FAM241A: variants seen among roughly 807,000 people sequenced by gnomAD.
FAM241A encodes family with sequence similarity 241 member A.
Under a neutral mutation model 12.2 loss-of-function variants are expected in FAM241A, and 7 were observed. The ratio of observed to expected loss-of-function variants is 0.58; its 90% CI spans 0.33 to 1.08. The LOEUF is 1.08. FAM241A is among the 50% of genes least tolerant of loss of function. The pLI is 0.04. For missense variants in FAM241A, 161 were observed against 169.7 expected, an observed-to-expected ratio of 0.95 and a Z score of 0.29; for synonymous variants, 74 against 68.2, an observed-to-expected ratio of 1.08 and a Z score of -0.42.
intron 1 of FAM241A, among the ~76,000 whole-genome samples, chr4:112,185,734 G>A (rs1724024824): frequency 6.6e-6 from 1 of 152,208 alleles, no homozygotes; most frequent in Admixed American, 6.5e-5. Flanking sequence ...AGTAATTGGA[G>A]CTGGCATCTC....
At chr4:112,154,989 G>T (rs1408193278) in intron 1 of FAM241A, among the ~76,000 whole-genome samples, 1 of 151,882 alleles carries the variant, frequency 6.6e-6, no homozygotes, top group African/African-American at 2.4e-5. Flanking sequence ...AGCCAAGATC[G>T]CAAACTGCAC....
intron 1 of FAM241A, among the ~76,000 whole-genome samples, chr4:112,164,456 G>A (rs1723551799): frequency 6.6e-6 from 1 of 151,114 alleles, no homozygotes; most frequent in African/African-American, 2.4e-5. Flanking sequence ...TTGTGGGGTG[G>A]GGAAGAGGGG....
At chr4:112,177,121 A>G (rs1578377990) in intron 1 of FAM241A, among the ~76,000 whole-genome samples, 1 of 152,310 alleles carries the variant, frequency 6.6e-6, no homozygotes, top group East Asian at 1.9e-4. Flanking sequence ...AAATGTACTA[A>G]CTTGCTGCAA....
At chr4:112,180,648 A>T (rs973670949) in intron 1 of FAM241A, among the ~76,000 whole-genome samples, 3 of 150,072 alleles carry the variant, frequency 2.0e-5, no homozygotes, top group African/African-American at 2.4e-5. Context: ...TTCTAAATTT[A>T]AAAAAAAAAC....
intron 1 of FAM241A, 67 bp from the exon 2 acceptor site, chr4:112,186,626 G>T (rs1724047957): frequency 6.9e-7 from 1 of 1,452,330 alleles, no homozygotes; most frequent in Non-Finnish European, 9.3e-7. Context: ...AAGAACTAAG[G>T]TTCTTAAAGA....
At chr4:112,181,460 A>G (rs928324240) in intron 1 of FAM241A, among the ~76,000 whole-genome samples, 2 of 152,202 alleles carry the variant, frequency 1.3e-5, no homozygotes, top group East Asian at 3.8e-4. Context: ...TATTTTCAGG[A>G]CATAGCGTTT....
intron 1 of FAM241A, among the ~76,000 whole-genome samples, chr4:112,183,976 T>C (rs1192212863): frequency 6.6e-6 from 1 of 151,978 alleles, no homozygotes; most frequent in Non-Finnish European, 1.5e-5. Context: ...AAAAATAATT[T>C]AGAAATCAAT....
chr4:112,166,200 C>A (rs1339597628), intron 1 of FAM241A, among the ~76,000 whole-genome samples: 1 of 151,830 alleles, frequency 6.6e-6, no homozygotes, highest in Non-Finnish European at 1.5e-5. Context: ...AGGTGCCCCC[C>A]ACCACACCCG....
Position 112,186,792 on chromosome 4 carries a change from A to G in FAM241A, c.253A>G (p.Met85Val). The G allele has an allele frequency of 6.2e-7, 1 of 1,614,032 alleles. No individual in the cohort carries two copies. Among genetic ancestry groups the G allele is most frequent in the African/African-American group, 1.3e-5 (1 of 75,010 alleles). The stretch of plus-strand genomic sequence containing the variant: ...TGAACTGAACAAAAACCTTATCAAC[A>G]TGGGCTTCACAAGGATGTATTTTGG... ...FGELNKNLINMGFTRMYFGER... is the reference protein window; with the variant it reads ...FGELNKNLINVGFTRMYFGER... The change falls in exon 2 of 2, where the codon ATG becomes GTG. Residue 85 changes from methionine (M) to valine (V), a missense_variant. By Grantham distance (21) the Met-to-Val change is conservative (BLOSUM62 1). Transcript: ENST00000309733.
At position 112,190,298 on chromosome 4, in the gene FAM241A, T is replaced by C. The variant is rs145185080; in HGVS notation, c.*3360T>C. On this transcript the variant is annotated 3_prime_UTR_variant, in exon 2 of 2. Transcript: ENST00000309733. ...TCGTGTGGTTCATAGATTGTTTTAA[T>C]AGTTATTTTACAAATGTTTATTAAT... 1 of 152,306 alleles carries C rather than the reference T, an allele frequency of 6.6e-6. No homozygotes were observed. The highest frequency in any genetic ancestry group is 2.4e-5 in the African/African-American group (1 of 41,574). The allele number at this position is 152,306 out of a possible 1,614,324, so 9.4% of individuals were successfully genotyped here.
chr4:112,175,959 A>G (rs1723812203), intron 1 of FAM241A, among the ~76,000 whole-genome samples: 1 of 152,174 alleles, frequency 6.6e-6, no homozygotes, highest in Admixed American at 6.5e-5. Flanking sequence ...ATGTAATGAT[A>G]TGCATTAACA....
intron 1 of FAM241A, among the ~76,000 whole-genome samples, chr4:112,158,472 T>C (rs1218611440): frequency 6.6e-6 from 1 of 152,112 alleles, no homozygotes; most frequent in African/African-American, 2.4e-5. Context: ...CTACTATTTT[T>C]CCAGGCACTG....
Position 112,145,607 on chromosome 4 carries a change from G to T in FAM241A, c.27G>T (p.Arg9=), listed in dbSNP as rs1723117586. Residue 9 remains arginine, a synonymous_variant, in exon 1 of 2, where the codon CGG becomes CGT. Coordinates refer to ENST00000309733, the MANE Select transcript of FAM241A (RefSeq NM_152400.3). MCSAGELL[R]GGDGGERDED... ...TGTGCTCAGCCGGGGAGCTGCTGCG[G>T]GGCGGCGACGGCGGGGAACGCGACG... The T allele has an allele frequency of 8.1e-7, 1 of 1,238,914 alleles. No homozygotes were observed. Among genetic ancestry groups the T allele is most frequent in the East Asian group, 3.1e-5 (1 of 31,964 alleles). 76.7% of individuals were successfully genotyped at this position (1,238,914 alleles called of 1,614,324 possible). A position where few individuals can be genotyped will look rare whatever the true frequency, so the allele number is the denominator to read the frequency against.
At chr4:112,146,151 C>T (rs1013668746) in intron 1 of FAM241A, among the ~76,000 whole-genome samples, 3 of 152,188 alleles carry the variant, frequency 2.0e-5, no homozygotes, top group African/African-American at 7.2e-5. Context: ...CCCCTCCCGC[C>T]CTCCATCTTG....
chr4:112,172,389 T>C (rs932419066), intron 1 of FAM241A, among the ~76,000 whole-genome samples: 13 of 152,226 alleles, frequency 8.5e-5, no homozygotes, highest in Non-Finnish European at 1.8e-4. Flanking sequence ...GAAGTGAAGA[T>C]GTTTTGTAAA....
Position 112,145,517 on chromosome 4 carries a change from C to T in FAM241A, c.-64C>T. ...CCAGGGCAGCCTTCGGGCGGCGGCG[C>T]TGCCTGGTGCGTCGCGGCGTGGTCC... On this transcript the variant is annotated 5_prime_UTR_variant, in exon 1 of 2. Transcript: ENST00000309733. 8.3e-7 allele frequency: 1 copy of T among 1,200,422 alleles called. No homozygotes were observed. The highest frequency in any genetic ancestry group is 1.0e-6 in the Non-Finnish European group (1 of 965,292). 74.4% of individuals were successfully genotyped at this position (1,200,422 alleles called of 1,614,324 possible).
At chr4:112,172,983 G>A (rs1205408312) in intron 1 of FAM241A, among the ~76,000 whole-genome samples, 1 of 152,116 alleles carries the variant, frequency 6.6e-6, no homozygotes, top group East Asian at 1.9e-4. Flanking sequence ...TGCCTCCTGG[G>A]CTGAAGCTAT....
At chr4:112,147,423 T>C (rs1019490199) in intron 1 of FAM241A, among the ~76,000 whole-genome samples, 5 of 152,204 alleles carry the variant, frequency 3.3e-5, no homozygotes, top group African/African-American at 1.2e-4. Context: ...CAAAGAAGAA[T>C]TAGTCAAGAA....
intron 1 of FAM241A, among the ~76,000 whole-genome samples, chr4:112,146,807 C>T (rs536029060): frequency 3.3e-4 from 51 of 152,280 alleles, no homozygotes; most frequent in Admixed American, 2.6e-4. Flanking sequence ...ACAAAATATG[C>T]CTTAGCGTTA....
Sources: allele counts gnomAD v4.1 joint callset (sites outside exome capture counted in the v4.1 genomes callset), GRCh38; gene constraint gnomAD v4.1.1; transcripts MANE v1.5; gene names NCBI Gene and HGNC (gene_info 2026-07-23, HGNC 2026-07-21).